Variants in ARHGAP21 observed in about 807,000 individuals in gnomAD.
ARHGAP21 encodes the protein rho GTPase-activating protein 21.
ARHGAP21 carries 38 observed loss-of-function variants against 164.6 expected under a neutral mutation model. The observed-to-expected ratio is 0.23, with a 90% CI of 0.18 to 0.30. The LOEUF is 0.30. ARHGAP21 is among the 10% of genes least tolerant of loss of function. ARHGAP21 has a pLI of 1.00. For synonymous variants in ARHGAP21, 766 were observed against 857.9 expected (o/e 0.89, Z 1.87); for missense variants, 1,822 against 2,370.7 (o/e 0.77, Z 4.81).
chr10:24,658,443 T>C (rs1839310118), intron 4 of ARHGAP21, among the ~76,000 whole-genome samples: 1 of 152,160 alleles, frequency 6.6e-6, no homozygotes, highest in Non-Finnish European at 1.5e-5. Context: ...TGTCCATCAA[T>C]GATAGACTGG....
chr10:24,699,862 C>A (rs1302018875), intron 2 of ARHGAP21, among the ~76,000 whole-genome samples: 3 of 152,178 alleles, frequency 2.0e-5, no homozygotes, highest in Non-Finnish European at 1.5e-5. Context: ...AATAGTCTGA[C>A]ACATAGTTAA....
At chr10:24,614,867 C>T (rs927956465) in intron 9 of ARHGAP21, among the ~76,000 whole-genome samples, 7 of 151,004 alleles carry the variant, frequency 4.6e-5, no homozygotes, top group Admixed American at 2.0e-4. Flanking sequence ...AAGTGTGCTA[C>T]AAAGAAATTT....
intron 4 of ARHGAP21, among the ~76,000 whole-genome samples, chr10:24,650,434 G>GT (rs1838041466): frequency 6.6e-6 from 1 of 152,160 alleles, no homozygotes; most frequent in Non-Finnish European, 1.5e-5. Flanking sequence ...CTTATATTTT[G>GT]TAAGAGTAGA....
At chr10:24,675,010 T>C (rs921160679) in intron 2 of ARHGAP21, among the ~76,000 whole-genome samples, 1 of 152,178 alleles carries the variant, frequency 6.6e-6, no homozygotes. Context: ...ATGGTACACT[T>C]TGGAAAACAG....
Position 24,591,254 on chromosome 10 carries a change from C to A in ARHGAP21, c.4121G>T (p.Arg1374Met), listed in dbSNP as rs1442516614. The A allele has an allele frequency of 6.2e-7, 1 of 1,612,432 alleles. No homozygotes were observed. Residue 1374 changes from arginine (R) to methionine (M), a missense_variant, in exon 24 of 26, where the codon AGG (arginine) becomes ATG (methionine). Transcript: ENST00000396432. The part of the protein sequence containing the change: ...NIDHLLTNIG[R>M]TGVSPGDVSD... ...TACATCTCCTGGGGAGACTCCTGTC[C>A]TTCCAATGTTGGTGAGTAAATGATC...
chr10:24,603,885 A>G (rs972638031), intron 12 of ARHGAP21, among the ~76,000 whole-genome samples: 4 of 152,120 alleles, frequency 2.6e-5, no homozygotes, highest in African/African-American at 7.2e-5. Context: ...ATCTCAAGCT[A>G]CTTGGGAGGC....
intron 2 of ARHGAP21, among the ~76,000 whole-genome samples, chr10:24,703,411 A>G (rs1409705636): frequency 1.3e-5 from 2 of 152,176 alleles, no homozygotes; most frequent in Non-Finnish European, 2.9e-5. Flanking sequence ...TATCCAGGTT[A>G]TCTCATTTTA....
chr10:24,584,053 C>T lies in ARHGAP21; in HGVS notation c.*359G>A, dbSNP rs548978153. 2.8e-3 allele frequency: 426 copies of T among 153,264 alleles called. 2 individuals carry two copies. The highest frequency in any genetic ancestry group is 9.5e-3 in the African/African-American group (396 of 41,548). 9.5% of individuals were successfully genotyped at this position (153,264 alleles called of 1,614,324 possible). On this transcript the variant is annotated 3_prime_UTR_variant, in exon 26 of 26. Transcript: ENST00000396432. Reference sequence around the variant, plus strand: ...TTTTAACAATATGGCACCCTAAAAACCAACTGTATTTTTATGATGAGGCAC... The same window carrying T: ...TTTTAACAATATGGCACCCTAAAAATCAACTGTATTTTTATGATGAGGCAC...
intron 7 of ARHGAP21, among the ~76,000 whole-genome samples, chr10:24,625,540 T>C (rs1835058974): frequency 6.6e-6 from 1 of 152,094 alleles, no homozygotes; most frequent in South Asian, 2.1e-4. Flanking sequence ...ATTTCAAATA[T>C]TTTCAACCAG....
intron 13 of ARHGAP21, 105 bp from the exon 14 acceptor site, chr10:24,601,035 G>T: frequency 1.5e-6 from 2 of 1,314,910 alleles, no homozygotes; most frequent in Non-Finnish European, 2.1e-6. Flanking sequence ...CATATAACTA[G>T]TGTAGCAGGT....
In ARHGAP21 at chr10:24,633,204, C is replaced by G. The variant is rs566189018; in HGVS notation, c.440+198G>C. ...GATTTTAATCATAAATCTGATACAT[C>G]TGTCAAACCAAAGCCACCAACTAAG... On this transcript the variant is annotated intron_variant, in intron 6 of 25. Transcript: ENST00000396432. Among the ~76,000 whole-genome samples the G allele has an allele frequency of 3.1e-4, 47 of 152,286 alleles. 2 individuals are homozygous for G. Among genetic ancestry groups the G allele is most frequent in the African/African-American group, 8.7e-4 (36 of 41,564 alleles).
At chr10:24,604,114 C>T (rs897121200) in intron 12 of ARHGAP21, among the ~76,000 whole-genome samples, 198 bp downstream of exon 12, 1 of 152,006 alleles carries the variant, frequency 6.6e-6, no homozygotes, top group African/African-American at 2.4e-5. Context: ...CAACAAAATA[C>T]AAAAAGGGCT....
intron 2 of ARHGAP21, among the ~76,000 whole-genome samples, chr10:24,683,095 C>CAAAAAA (rs200968718): frequency 1.1e-5 from 1 of 89,002 alleles, no homozygotes. Flanking sequence ...AACTCCATCT[C>CAAAAAA]AAAAAAAAAA....
In ARHGAP21 at chr10:24,621,016, A is replaced by T; in HGVS notation, c.879T>A (p.Gly293=). Reference sequence around the variant, plus strand: ...TCACTTCTTCAGTTCTATGTGAAGGACCTGTATGGTTGTTTCTATTGGATA... The same window carrying T: ...TCACTTCTTCAGTTCTATGTGAAGGTCCTGTATGGTTGTTTCTATTGGATA... ...DLLSNRNNHT[G]PSHRTEEVRY... The change falls in exon 9 of 26, where the codon GGT becomes GGA. Residue 293 remains glycine (G), a synonymous_variant. Transcript: ENST00000396432. 1 of 1,614,000 alleles carries T rather than the reference A, an allele frequency of 6.2e-7. No homozygotes were observed. The highest frequency in any genetic ancestry group is 8.5e-7 in the Non-Finnish European group (1 of 1,179,866).
intron 8 of ARHGAP21, 137 bp from the exon 9 acceptor site, chr10:24,621,506 C>T (rs1834540479): frequency 5.5e-6 from 4 of 723,350 alleles, no homozygotes; most frequent in Non-Finnish European, 8.9e-6. Flanking sequence ...GCAAACACAA[C>T]ATAAGGGTAC....
In ARHGAP21 at chr10:24,652,123, A is replaced by G. The variant is rs112411201; in HGVS notation, c.268+14862T>C. ...AACAACCCTATAAAAATACAGATCT[A>G]TTCTTAGCTTGGAGGCTGTACAAAA... On this transcript the variant is annotated intron_variant, in intron 4 of 25. Coordinates refer to ENST00000396432, the MANE Select transcript of ARHGAP21 (RefSeq NM_020824.4). Among the ~76,000 whole-genome samples, 968 of 152,256 alleles carry G rather than the reference A, an allele frequency of 6.4e-3. 10 individuals carry two copies. Among genetic ancestry groups the G allele is most frequent in the Middle Eastern group, 0.024 (7 of 294 alleles).
At chr10:24,721,691 C>G (rs1012088028) in intron 2 of ARHGAP21, 146 bp downstream of exon 2, 46 of 819,274 alleles carry the variant, frequency 5.6e-5, no homozygotes, top group Admixed American at 7.2e-5. Flanking sequence ...CTCCTCGCTA[C>G]TGGTTAAGCT....
intron 9 of ARHGAP21, among the ~76,000 whole-genome samples, chr10:24,610,197 C>T (rs1306933767): frequency 6.6e-6 from 1 of 151,942 alleles, no homozygotes; most frequent in African/African-American, 2.4e-5. Flanking sequence ...GCCAACATGG[C>T]AAAACCCTGT....
intron 4 of ARHGAP21, among the ~76,000 whole-genome samples, chr10:24,654,819 C>T (rs574467324): frequency 6.6e-6 from 1 of 152,286 alleles, no homozygotes; most frequent in East Asian, 1.9e-4. Context: ...CAAGACAATC[C>T]TAAGCCAAAA....
Sources: allele counts gnomAD v4.1 joint callset (sites outside exome capture counted in the v4.1 genomes callset), GRCh38; gene constraint gnomAD v4.1.1; transcripts MANE v1.5; gene names NCBI Gene and HGNC (gene_info 2026-07-23, HGNC 2026-07-21).